Variants in GPC6 observed in about 807,000 individuals in gnomAD.
The protein encoded by GPC6 is glypican-6.
GPC6 carries 14 observed loss-of-function variants against 55.2 expected under a neutral mutation model. That is an observed-to-expected ratio of 0.25 (90% CI 0.17 to 0.40). GPC6 has a LOEUF of 0.40. Ranked by LOEUF, GPC6 falls within the 10% of genes least tolerant of loss-of-function variation. The pLI, the probability that GPC6 is intolerant of heterozygous loss-of-function variation, is 1.00. For synonymous variants in GPC6, 278 were observed against 259.6 expected (o/e 1.07, Z -0.68); for missense variants, 641 against 708.5 (o/e 0.90, Z 1.08).
At chr13:94,045,188 T>C (rs75404897) in intron 4 of GPC6, among the ~76,000 whole-genome samples, 4 of 151,826 alleles carry the variant, frequency 2.6e-5, no homozygotes, top group Non-Finnish European at 5.9e-5. Flanking sequence ...TATGAAGAGG[T>C]CTGTAATAAC....
chr13:93,309,398 G>GC (rs1284186696), intron 1 of GPC6, among the ~76,000 whole-genome samples: 2 of 151,454 alleles, frequency 1.3e-5, no homozygotes, highest in African/African-American at 4.8e-5. Context: ...ACACATTTAT[G>GC]CTTGTTCTCA....
intron 5 of GPC6, among the ~76,000 whole-genome samples, chr13:94,293,689 C>T (rs9524412): frequency 0.016 from 2,377 of 152,200 alleles, 32 homozygotes; most frequent in East Asian, 0.036. Context: ...CATTCATTTC[C>T]TTATTATACA....
At chr13:93,403,730 GT>G in intron 1 of GPC6, among the ~76,000 whole-genome samples, 1 of 152,104 alleles carries the variant, frequency 6.6e-6, no homozygotes, top group Non-Finnish European at 1.5e-5. Context: ...CTCAGATATT[GT>G]TTTTAAAGGC....
At chr13:94,333,485 G>A (rs1877528869) in intron 6 of GPC6, among the ~76,000 whole-genome samples, 1 of 152,164 alleles carries the variant, frequency 6.6e-6, no homozygotes, top group Admixed American at 6.5e-5. Context: ...TCCCTTCCTG[G>A]TGAATCCTAA....
chr13:93,862,777 G>A (rs977116748), intron 3 of GPC6, among the ~76,000 whole-genome samples: 16 of 151,768 alleles, frequency 1.1e-4, no homozygotes, highest in South Asian at 6.2e-4. Flanking sequence ...TGCCACTGTA[G>A]TATATTCTGT....
intron 4 of GPC6, among the ~76,000 whole-genome samples, chr13:94,112,318 A>G (rs542666515): frequency 2.6e-5 from 4 of 152,316 alleles, no homozygotes; most frequent in African/African-American, 9.6e-5. Flanking sequence ...TTGCTAAAGT[A>G]CAGTTCTTCA....
rs8002995 is a variant in GPC6, at chr13:94,000,252, C to T, written c.712-27477C>T. On this transcript the variant is annotated intron_variant, in intron 3 of 8. Coordinates refer to ENST00000377047, the MANE Select transcript of GPC6 (RefSeq NM_005708.5). ...GTACTCACTACTCTATTTCTAGCAC[C>T]TGACAAATACTTTGTATTCAATTGT... Among the ~76,000 whole-genome samples the T allele has an allele frequency of 2.7e-3, 404 of 152,268 alleles. 2 individuals carry two copies. The highest frequency in any genetic ancestry group is 9.5e-3 in the African/African-American group (396 of 41,556).
At chr13:93,300,662 A>G (rs1316212537) in intron 1 of GPC6, among the ~76,000 whole-genome samples, 1 of 151,356 alleles carries the variant, frequency 6.6e-6, no homozygotes, top group Non-Finnish European at 1.5e-5. Flanking sequence ...AAAAAAAAAA[A>G]AAGAATAGGA....
chr13:93,637,204 G>A (rs1879737148), intron 2 of GPC6, among the ~76,000 whole-genome samples: 1 of 152,148 alleles, frequency 6.6e-6, no homozygotes, highest in South Asian at 2.1e-4. Flanking sequence ...GGTATGTGTA[G>A]AAGAGATTAT....
At chr13:93,339,798 C>G (rs1291170744) in intron 1 of GPC6, among the ~76,000 whole-genome samples, 1 of 152,054 alleles carries the variant, frequency 6.6e-6, no homozygotes. Flanking sequence ...TACAGGCTTA[C>G]ATCAAAAAAG....
chr13:93,856,649 A>G (rs928736629), intron 3 of GPC6, among the ~76,000 whole-genome samples: 4 of 151,672 alleles, frequency 2.6e-5, no homozygotes, highest in African/African-American at 4.8e-5. Flanking sequence ...CTAATTTTGC[A>G]AAGATACAGA....
intron 4 of GPC6, among the ~76,000 whole-genome samples, chr13:94,056,946 A>G (rs940693694): frequency 1.3e-5 from 2 of 152,222 alleles, no homozygotes; most frequent in Admixed American, 6.5e-5. Flanking sequence ...GTAATGAGAA[A>G]AGGGTGCTTA....
At chr13:94,041,834 T>C (rs1883546006) in intron 4 of GPC6, among the ~76,000 whole-genome samples, 1 of 151,878 alleles carries the variant, frequency 6.6e-6, no homozygotes, top group East Asian at 1.9e-4. Context: ...TTTTTAGCAT[T>C]TGTTTCAAAA....
At chr13:93,539,827 G>C (rs1882215964) in intron 1 of GPC6, among the ~76,000 whole-genome samples, 1 of 151,918 alleles carries the variant, frequency 6.6e-6, no homozygotes, top group Admixed American at 6.6e-5. Flanking sequence ...AAGTAGCTGG[G>C]ATTACAAGCA....
intron 2 of GPC6, among the ~76,000 whole-genome samples, chr13:93,666,604 CATG>C (rs1303347245): frequency 6.6e-6 from 1 of 152,180 alleles, no homozygotes; most frequent in African/African-American, 2.4e-5. Flanking sequence ...AGGATGATTT[CATG>C]ATGATTTCTG....
At position 93,430,800 on chromosome 13, in the gene GPC6, C is replaced by A. The variant is rs77851254; in HGVS notation, c.161-114463C>A. Among the ~76,000 whole-genome samples the A allele has an allele frequency of 7.7e-3, 1,179 of 152,222 alleles. 22 individuals carry two copies. Among genetic ancestry groups the A allele is most frequent in the African/African-American group, 0.026 (1,095 of 41,540 alleles). On this transcript the variant is annotated intron_variant, in intron 1 of 8. Coordinates refer to ENST00000377047, the MANE Select transcript of GPC6 (RefSeq NM_005708.5). ...ATGTGTATAGAGAAGAGCTATATCA[C>A]CATCAAGCTATTCTACATTTGAAAT... is the stretch of plus-strand genomic sequence containing the variant.
chr13:93,938,465 T>C (rs1438904193), intron 3 of GPC6, among the ~76,000 whole-genome samples: 1 of 152,190 alleles, frequency 6.6e-6, no homozygotes, highest in East Asian at 1.9e-4. Context: ...ACCATGTTAT[T>C]CTAACAATTA....
chr13:93,728,638 C>T (rs1283182906), intron 2 of GPC6, among the ~76,000 whole-genome samples: 1 of 152,008 alleles, frequency 6.6e-6, no homozygotes, highest in Non-Finnish European at 1.5e-5. Flanking sequence ...ACAATTTCAG[C>T]TCACTGCAGC....
chr13:94,316,524 C>T (rs61962182), intron 6 of GPC6, among the ~76,000 whole-genome samples: 6,097 of 151,836 alleles, frequency 0.04, 173 homozygotes, highest in South Asian at 0.096. Flanking sequence ...GAGACCATCC[C>T]GGCTAAAACG....
Sources: allele counts gnomAD v4.1 joint callset (sites outside exome capture counted in the v4.1 genomes callset), GRCh38; gene constraint gnomAD v4.1.1; transcripts MANE v1.5; gene names NCBI Gene and HGNC (gene_info 2026-07-23, HGNC 2026-07-21).